TAAR8: variants seen among roughly 807,000 people sequenced by gnomAD.
TAAR8 encodes trace amine associated receptor 8.
For synonymous variants in TAAR8, 157 were observed against 152.7 expected (o/e 1.03, Z -0.21); for missense variants, 459 against 405.8 (o/e 1.13, Z -1.13).
In TAAR8 at chr6:132,553,159, G is replaced by A. The variant is rs747201166; in HGVS notation, c.467G>A (p.Trp156Ter). The change falls in exon 1 of 1, where the codon TGG becomes TAG. Residue 156 changes from tryptophan (W) to a stop codon, truncating the protein, a stop_gained. Coordinates refer to ENST00000275200, the Ensembl canonical transcript of TAAR8. LOFTEE classifies it low-confidence loss of function (END_TRUNC). ...TCGGGAATTTGCATCAGCGTGTCCT[G>A]GATTCTGCCTCTCACGTACAGCGGT... 1 of 1,614,126 alleles carries A rather than the reference G, an allele frequency of 6.2e-7. No individual in the cohort carries two copies. The highest frequency in any genetic ancestry group is 8.5e-7 in the Non-Finnish European group (1 of 1,180,020).
At chr6:132,553,074 G>T (rs748544948) in exon 1 of TAAR8, 32 of 1,613,998 alleles carry the variant, frequency 2.0e-5, no homozygotes, top group Non-Finnish European at 2.4e-5. Flanking sequence ...CATCTGCATC[G>T]ACAGGTACAT....
rs41286166 is a variant in TAAR8, at chr6:132,553,554, C to G, written c.862C>G (p.Pro288Ala). 122 of 1,613,986 alleles carry G rather than the reference C, an allele frequency of 7.6e-5. No individual in the cohort carries two copies. The highest frequency in any genetic ancestry group is 9.9e-5 in the Non-Finnish European group (117 of 1,179,978). Reference sequence around the variant, plus strand: ...TGATGCCTTTATGGGCTTCCTGACCCCTGCCTATATCTATGAAATTTGCTG... The same window carrying G: ...TGATGCCTTTATGGGCTTCCTGACCGCTGCCTATATCTATGAAATTTGCTG... The change falls in exon 1 of 1, where the codon CCT (proline) becomes GCT (alanine). Residue 288 changes from proline to alanine, a missense_variant. By Grantham distance (27) the Pro-to-Ala change is conservative. Transcript: ENST00000275200.
At chr6:132,553,552 C>A (rs750444207) in exon 1 of TAAR8, 1 of 1,614,026 alleles carries the variant, frequency 6.2e-7, no homozygotes, top group South Asian at 1.1e-5. Flanking sequence ...GGCTTCCTGA[C>A]CCCTGCCTAT....
chr6:132,553,604 C>T, exon 1 of TAAR8: 1 of 1,614,054 alleles, frequency 6.2e-7, no homozygotes, highest in African/African-American at 1.3e-5. Context: ...ATAACTCAGC[C>T]ATGAATCCTT....
exon 1 of TAAR8, chr6:132,552,790 T>C: frequency 6.2e-7 from 1 of 1,614,212 alleles, no homozygotes; most frequent in Non-Finnish European, 8.5e-7. Flanking sequence ...TCCCGGGTAA[T>C]TCTGTACACG....
At chr6:132,553,079 G>A (rs1245656975) in exon 1 of TAAR8, 2 of 1,614,056 alleles carry the variant, frequency 1.2e-6, no homozygotes, top group Non-Finnish European at 1.7e-6. Flanking sequence ...GCATCGACAG[G>A]TACATTGTGG....
exon 1 of TAAR8, chr6:132,553,081 A>G (rs772121875): frequency 1.2e-6 from 2 of 1,614,212 alleles, no homozygotes; most frequent in Admixed American, 1.7e-5. Context: ...ATCGACAGGT[A>G]CATTGTGGTT....
At chr6:132,553,225 A>C in exon 1 of TAAR8, 1 of 1,614,084 alleles carries the variant, frequency 6.2e-7, no homozygotes, top group Non-Finnish European at 8.5e-7. Flanking sequence ...GGGCTGGAGG[A>C]ATTAGTAAGT....
chr6:132,553,458 G>A (rs1158068629), exon 1 of TAAR8: 1 of 1,614,142 alleles, frequency 6.2e-7, no homozygotes, highest in South Asian at 1.1e-5. Context: ...GAGGAAAGCA[G>A]CTAAAACCCT....
At chr6:132,552,897 C>A in exon 1 of TAAR8, 1 of 1,614,214 alleles carries the variant, frequency 6.2e-7, no homozygotes. Context: ...AACCAATTTT[C>A]TCATTGCCTC....
At chr6:132,553,651 C>T (rs777044533) in exon 1 of TAAR8, 1 of 1,611,848 alleles carries the variant, frequency 6.2e-7, no homozygotes, top group Non-Finnish European at 8.5e-7. Context: ...TTTAGGAAAG[C>T]CATAAAACTT....
exon 1 of TAAR8, chr6:132,553,001 T>C: frequency 8.1e-6 from 13 of 1,614,208 alleles, no homozygotes; most frequent in Non-Finnish European, 1.1e-5. Context: ...GAGCCAAATT[T>C]TGTACTCTTC....
chr6:132,553,489 T>C lies in TAAR8; in HGVS notation c.797T>C (p.Phe266Ser), dbSNP rs1314525411. Residue 266 changes from phenylalanine (F) to serine (S), a missense_variant, in exon 1 of 1, where the codon TTT (phenylalanine) becomes TCT (serine). By Grantham distance (155) the Phe-to-Ser change is radical. Transcript: ENST00000275200. ...ACCCTGGGGGTCACGGTACTAGCAT[T>C]TGTTATTTCATGGTTACCGTATACA... is the stretch of plus-strand genomic sequence containing the variant. 5.6e-6 allele frequency: 9 copies of C among 1,613,918 alleles called. No homozygotes were observed. The Admixed American group carries it at 1.5e-4, about 27-fold the overall frequency.
At position 132,553,512 on chromosome 6, in the gene TAAR8, A is replaced by G. The variant is rs775572512; in HGVS notation, c.820A>G (p.Thr274Ala). The stretch of plus-strand genomic sequence containing the variant: ...ATTTGTTATTTCATGGTTACCGTAT[A>G]CAGTTGATATATTAATTGATGCCTT... The change falls in exon 1 of 1, where the codon ACA becomes GCA. Residue 274 changes from threonine (T) to alanine (A), a missense_variant. Thr to Ala is a moderately conservative substitution (Grantham distance 58). Transcript: ENST00000275200. The G allele has an allele frequency of 2.5e-6, 4 of 1,613,984 alleles. No homozygotes were observed. Among genetic ancestry groups the G allele is most frequent in the Admixed American group, 3.3e-5 (2 of 60,002 alleles).
At position 132,553,011 on chromosome 6, in the gene TAAR8, C is replaced by A. The variant is rs764622922; in HGVS notation, c.319C>A (p.His107Asn). Reference sequence around the variant, plus strand: ...TTTTGGAGCCAAATTTTGTACTCTTCACAGTTGCTGTGATGTGGCATTTTG... The same window carrying A: ...TTTTGGAGCCAAATTTTGTACTCTTAACAGTTGCTGTGATGTGGCATTTTG... The change falls in exon 1 of 1, where the codon CAC (histidine) becomes AAC (asparagine). Residue 107 changes from histidine to asparagine, a missense_variant. Physicochemically the swap from His to Asn is moderately conservative, Grantham distance 68 (BLOSUM62 1). Transcript: ENST00000275200. 1 of 1,614,224 alleles carries A rather than the reference C, an allele frequency of 6.2e-7. No individual in the cohort carries two copies. The highest frequency in any genetic ancestry group is 8.5e-7 in the Non-Finnish European group (1 of 1,180,044).
exon 1 of TAAR8, chr6:132,552,909 C>T (rs749331001): frequency 6.2e-7 from 1 of 1,614,216 alleles, no homozygotes; most frequent in Non-Finnish European, 8.5e-7. Context: ...CATTGCCTCT[C>T]TGGCCTGTGC....
At chr6:132,553,381 T>C in exon 1 of TAAR8, 1 of 1,614,106 alleles carries the variant, frequency 6.2e-7, no homozygotes, top group Non-Finnish European at 8.5e-7. Flanking sequence ...GCTATAAAAA[T>C]TGAAACTACT....
chr6:132,552,858 G>T, exon 1 of TAAR8: 2 of 1,614,190 alleles, frequency 1.2e-6, no homozygotes, highest in Non-Finnish European at 1.7e-6. Flanking sequence ...AATGACTTCT[G>T]TTCTTCATTT....
chr6:132,553,586 T>C (rs979797248), exon 1 of TAAR8: 2 of 1,614,068 alleles, frequency 1.2e-6, no homozygotes, highest in South Asian at 2.2e-5. Context: ...GCTGTTGGAG[T>C]GCTTATTATA....
Sources: gnomAD v4.1 joint callset for allele counts on GRCh38, gnomAD v4.1.1 for gene constraint, MANE v1.5 for transcripts, NCBI Gene and HGNC (gene_info 2026-07-23, HGNC 2026-07-21) for gene names.